The following PCDHGB1 variants were observed in gnomAD, a reference collection of about 807,000 sequenced individuals.
PCDHGB1 encodes the protein protocadherin gamma-B1.
PCDHGB1 carries 34 observed loss-of-function variants against 56.6 expected under a neutral mutation model. The observed-to-expected ratio is 0.60, with a 90% CI of 0.46 to 0.80. PCDHGB1 has a LOEUF of 0.80. Among genes scored for constraint, PCDHGB1 ranks in the 30% least tolerant of loss-of-function variants. The pLI, the probability that PCDHGB1 is intolerant of heterozygous loss-of-function variation, is 0.00. For missense variants in PCDHGB1, 1,278 were observed against 1,204.6 expected (o/e 1.06, Z -0.90); for synonymous variants, 561 against 505.9 (o/e 1.11, Z -1.46).
Position 141,376,079 on chromosome 5 carries a change from G to A in PCDHGB1, c.2409+23410G>A, listed in dbSNP as rs367626751. ...TGTCACGCTCACCGTGGCCGTGGCC[G>A]ACAGGATCCCCGACATCCTGGCCGA... is the stretch of plus-strand genomic sequence containing the variant. On this transcript the variant is annotated intron_variant, in intron 1 of 3. Coordinates refer to ENST00000523390, the MANE Select transcript of PCDHGB1 (RefSeq NM_018922.3). The A allele has an allele frequency of 5.8e-5, 93 of 1,613,564 alleles. No individual in the cohort carries two copies. The highest frequency in any genetic ancestry group is 1.3e-4 in the Admixed American group (8 of 60,010).
intron 1 of PCDHGB1, among the ~76,000 whole-genome samples, chr5:141,454,989 T>C (rs1460420144): frequency 6.6e-6 from 1 of 151,506 alleles, no homozygotes; most frequent in East Asian, 2.0e-4. Context: ...TTAAAAAATA[T>C]TTTTAGTAGA....
intron 2 of PCDHGB1, among the ~76,000 whole-genome samples, chr5:141,504,268 T>A (rs539485141): frequency 2.2e-4 from 34 of 152,348 alleles, no homozygotes; most frequent in Admixed American, 1.3e-3. Context: ...AGTATTTTTT[T>A]AAATTATGAA....
At chr5:141,422,806 C>T (rs868426196) in intron 1 of PCDHGB1, 2 of 1,614,208 alleles carry the variant, frequency 1.2e-6, no homozygotes, top group Non-Finnish European at 1.7e-6. Flanking sequence ...TGAGCAGTTT[C>T]GAGACTTAGA....
chr5:141,443,999 T>C (rs2098413024), intron 1 of PCDHGB1, among the ~76,000 whole-genome samples: 1 of 152,136 alleles, frequency 6.6e-6, no homozygotes, highest in Non-Finnish European at 1.5e-5. Context: ...TTTTAAATGC[T>C]ACCTGGGTAT....
chr5:141,441,162 G>A (rs1009205566), intron 1 of PCDHGB1: 48 of 152,166 alleles, frequency 3.2e-4, no homozygotes, highest in Admixed American at 1.5e-3. Flanking sequence ...TCCTAGAGGC[G>A]ATTTTTACTT....
At chr5:141,375,093 T>G (rs1394979484) in intron 1 of PCDHGB1, 18 of 1,613,962 alleles carry the variant, frequency 1.1e-5, no homozygotes, top group Non-Finnish European at 1.4e-5. Flanking sequence ...TTAATAACTA[T>G]CTTGGATGTC....
chr5:141,375,213 G>T (rs778646849), intron 1 of PCDHGB1: 1 of 1,613,926 alleles, frequency 6.2e-7, no homozygotes, highest in Admixed American at 1.7e-5. Context: ...CGAGACTCTG[G>T]CCTGAATGGC....
intron 1 of PCDHGB1, chr5:141,424,572 T>C (rs1272121500): frequency 6.6e-6 from 1 of 152,238 alleles, no homozygotes; most frequent in East Asian, 1.9e-4. Context: ...CAAAAACCTA[T>C]TTTCAAATGT....
Position 141,476,208 on chromosome 5 carries a change from C to T in PCDHGB1, c.2410-18599C>T, listed in dbSNP as rs1266601125. The T allele has an allele frequency of 6.2e-7, 1 of 1,613,794 alleles. No homozygotes were observed. ...CTTGGTGCCTTGAACAAGGCTTCCA[C>T]GGTCATTCACTATGAGATCCCGGAG... On this transcript the variant is annotated intron_variant, in intron 1 of 3. Coordinates refer to ENST00000523390, the MANE Select transcript of PCDHGB1 (RefSeq NM_018922.3). The surrounding 1 kb of genome is among the most constrained non-coding windows in gnomAD (Gnocchi z 7.6).
intron 1 of PCDHGB1, chr5:141,372,054 G>A (rs377450479): frequency 3.1e-6 from 5 of 1,613,396 alleles, no homozygotes; most frequent in Middle Eastern, 1.7e-4. Context: ...GTTGGTGGAC[G>A]ACCGCAACGA....
At chr5:141,364,781 C>A in intron 1 of PCDHGB1, 1 of 1,613,988 alleles carries the variant, frequency 6.2e-7, no homozygotes, top group Non-Finnish European at 8.5e-7. Context: ...TGCAGGGACA[C>A]GGTTAGTGCT....
At position 141,493,157 on chromosome 5, in the gene PCDHGB1, T is replaced by C. The variant is rs1261889479; in HGVS notation, c.2410-1650T>C. ...TTGAAACACCCCCAGGTGATTTTGATAGCTGATTGAGAGAAACTTACTATA... is the reference window on the plus strand; with the variant it reads ...TTGAAACACCCCCAGGTGATTTTGACAGCTGATTGAGAGAAACTTACTATA... On this transcript the variant is annotated intron_variant, in intron 1 of 3. Coordinates refer to ENST00000523390, the MANE Select transcript of PCDHGB1 (RefSeq NM_018922.3). This position sits in a 1 kb window ranked among gnomAD's most constrained non-coding sequence, Gnocchi z 4.3. 2.0e-5 allele frequency among the ~76,000 whole-genome samples: 3 copies of C among 152,224 alleles called. No individual in the cohort carries two copies. Among genetic ancestry groups the C allele is most frequent in the Admixed American group, 6.5e-5 (1 of 15,286 alleles).
At chr5:141,453,014 G>A (rs2098753820) in intron 1 of PCDHGB1, among the ~76,000 whole-genome samples, 1 of 152,206 alleles carries the variant, frequency 6.6e-6, no homozygotes, top group Non-Finnish European at 1.5e-5. Flanking sequence ...GTATAGTTAT[G>A]TGATTCATTA....
intron 1 of PCDHGB1, among the ~76,000 whole-genome samples, chr5:141,434,605 T>C (rs1448149059): frequency 6.6e-6 from 1 of 152,198 alleles, no homozygotes; most frequent in Non-Finnish European, 1.5e-5. Context: ...ATCCCTTTAT[T>C]TCCGCCCATC....
rs754953894 is a variant in PCDHGB1 at position 141,409,856 on chromosome 5, G to T, written c.2409+57187G>T. 4.0e-5 allele frequency: 64 copies of T among 1,612,232 alleles called. No individual in the cohort carries two copies. Among genetic ancestry groups the T allele is most frequent in the Non-Finnish European group, 5.3e-5 (62 of 1,179,390 alleles). On this transcript the variant is annotated intron_variant, in intron 1 of 3. Coordinates refer to ENST00000523390, the MANE Select transcript of PCDHGB1 (RefSeq NM_018922.3). ...CGCCAACGTGAGCCTGCGCGTGTTG[G>T]TGGGAGACCGCAATGACAACGCACC... is the stretch of plus-strand genomic sequence containing the variant.
intron 1 of PCDHGB1, among the ~76,000 whole-genome samples, chr5:141,406,450 G>T (rs2094811564): frequency 6.6e-6 from 1 of 152,194 alleles, no homozygotes; most frequent in South Asian, 2.1e-4. Flanking sequence ...CCATTTCTAT[G>T]ACAGGAAAAC....
chr5:141,366,489 A>C (rs1280216684), intron 1 of PCDHGB1: 1 of 1,614,236 alleles, frequency 6.2e-7, no homozygotes, highest in Non-Finnish European at 8.5e-7. Flanking sequence ...AGGCGCTGGC[A>C]CAAGTCACGC....
At chr5:141,481,240 T>G (rs1323124277) in intron 1 of PCDHGB1, among the ~76,000 whole-genome samples, 1 of 152,208 alleles carries the variant, frequency 6.6e-6, no homozygotes, top group Non-Finnish European at 1.5e-5. Flanking sequence ...AAGTATTACA[T>G]AGCATAGCTC....
At chr5:141,376,366 A>G in intron 1 of PCDHGB1, 12 of 1,614,204 alleles carry the variant, frequency 7.4e-6, no homozygotes, top group South Asian at 1.1e-5. Flanking sequence ...CACTCACTGC[A>G]GACTCGCGTA....
Sources: allele counts gnomAD v4.1 joint callset (sites outside exome capture counted in the v4.1 genomes callset), GRCh38; gene constraint gnomAD v4.1.1; non-coding constraint Gnocchi (gnomAD v3.1); transcripts MANE v1.5; gene names NCBI Gene and HGNC (gene_info 2026-07-23, HGNC 2026-07-21).